The following ATP6V1A variants were observed in gnomAD, a reference collection of about 807,000 sequenced individuals.
ATP6V1A encodes the protein ATPase H+ transporting V1 subunit A, also known as V-type proton ATPase catalytic subunit A.
A neutral mutation model predicts 70.1 loss-of-function variants in ATP6V1A; 18 were observed. That is an observed-to-expected ratio of 0.26 (90% confidence interval 0.18 to 0.38). The LOEUF is 0.38. Ranked by LOEUF, ATP6V1A falls within the 10% of genes least tolerant of loss-of-function variation. The pLI is 1.00. For synonymous variants in ATP6V1A, 232 were observed against 253.8 expected, an observed-to-expected ratio of 0.91 and a Z score of 0.82; for missense variants, 424 against 772.4, an observed-to-expected ratio of 0.55 and a Z score of 5.35.
At chr3:113,758,143 C>CAA (rs1708665487) in intron 1 of ATP6V1A, among the ~76,000 whole-genome samples, 1 of 151,318 alleles carries the variant, frequency 6.6e-6, no homozygotes, top group Admixed American at 6.6e-5. Flanking sequence ...GACTCTGTCT[C>CAA]AAAAAAAGAA....
chr3:113,785,506 C>CTTTTTTTTTTTT (rs987781968), intron 5 of ATP6V1A, among the ~76,000 whole-genome samples: 7 of 107,154 alleles, frequency 6.5e-5, no homozygotes, highest in Non-Finnish European at 7.4e-5. Flanking sequence ...TTTTTCTTTT[C>CTTTTTTTTTTTT]TTTTTTTTTT....
intron 1 of ATP6V1A, among the ~76,000 whole-genome samples, chr3:113,755,813 TC>T (rs1708641912): frequency 6.6e-6 from 1 of 152,174 alleles, no homozygotes. Context: ...ATTCTTTTCT[TC>T]CCCCATATAT....
At chr3:113,751,947 G>A (rs1017216683) in intron 1 of ATP6V1A, among the ~76,000 whole-genome samples, 1 of 151,766 alleles carries the variant, frequency 6.6e-6, no homozygotes, top group Non-Finnish European at 1.5e-5. Context: ...TATATCATAA[G>A]TATTTTCAGA....
chr3:113,777,400 G>T (rs1034432093), intron 1 of ATP6V1A, among the ~76,000 whole-genome samples: 1 of 152,206 alleles, frequency 6.6e-6, no homozygotes, highest in African/African-American at 2.4e-5. Context: ...AAGGAGGAAG[G>T]ATGTTGCAGT....
intron 1 of ATP6V1A, among the ~76,000 whole-genome samples, chr3:113,762,388 G>A (rs1708714361): frequency 6.6e-6 from 1 of 152,020 alleles, no homozygotes; most frequent in Non-Finnish European, 1.5e-5. Flanking sequence ...GGCCAACTTG[G>A]AGAAACCCTG....
In ATP6V1A at chr3:113,784,432, C is replaced by A. The variant is rs770165450; in HGVS notation, c.420C>A (p.Asn140Lys). 5.0e-6 allele frequency: 8 copies of A among 1,608,976 alleles called. No homozygotes were observed. In the East Asian group the frequency reaches 1.8e-4, roughly 36 times the overall value. Residue 140 changes from asparagine to lysine, a missense_variant, in exon 4 of 15, where the codon AAC (asparagine) becomes AAA (lysine). Asn to Lys is a moderately conservative substitution (Grantham distance 94). Transcript: ENST00000273398. ...DIKWDFTPCK[N>K]LRVGSHITGG... ...AATGGGACTTTACACCTTGCAAAAACCTACGGGTATGTCTGTGTAACCAAG... is the reference window on the plus strand; with the variant it reads ...AATGGGACTTTACACCTTGCAAAAAACTACGGGTATGTCTGTGTAACCAAG...
At chr3:113,788,683 A>G (rs1325899976) in intron 6 of ATP6V1A, 30 bp from the exon 7 acceptor site, 2 of 1,601,306 alleles carry the variant, frequency 1.2e-6, no homozygotes, top group South Asian at 2.2e-5. Context: ...TAGCAAGTCA[A>G]GTAATCCATA....
chr3:113,783,372 A>G (rs1709002109), intron 3 of ATP6V1A, among the ~76,000 whole-genome samples: 1 of 152,332 alleles, frequency 6.6e-6, no homozygotes, highest in East Asian at 1.9e-4. Flanking sequence ...ACTCCTGTCA[A>G]CAAATGTGTA....
At chr3:113,799,249 C>T (rs1709184496) in intron 12 of ATP6V1A, among the ~76,000 whole-genome samples, 1 of 152,036 alleles carries the variant, frequency 6.6e-6, no homozygotes, top group South Asian at 2.1e-4. Context: ...TAAAATGATA[C>T]ATCATAAGCA....
At chr3:113,807,115 C>T (rs890456233) in intron 14 of ATP6V1A, among the ~76,000 whole-genome samples, 2 of 151,540 alleles carry the variant, frequency 1.3e-5, no homozygotes, top group Non-Finnish European at 2.9e-5. Flanking sequence ...GATAAATAAA[C>T]AAAGGAAGTA....
intron 3 of ATP6V1A, among the ~76,000 whole-genome samples, chr3:113,781,447 G>C (rs985556290): frequency 6.6e-5 from 10 of 152,286 alleles, no homozygotes; most frequent in Admixed American, 1.3e-4. Flanking sequence ...CACCCTGGAG[G>C]TGGGAGGTTG....
chr3:113,808,766 A>G (rs977205502), intron 14 of ATP6V1A, among the ~76,000 whole-genome samples: 1 of 152,216 alleles, frequency 6.6e-6, no homozygotes, highest in Non-Finnish European at 1.5e-5. Context: ...ACTATTGTGC[A>G]CATTGTTGAG....
intron 9 of ATP6V1A, 36 bp downstream of exon 9, chr3:113,795,030 T>C (rs1413915962): frequency 6.2e-7 from 1 of 1,613,346 alleles, no homozygotes; most frequent in Admixed American, 1.7e-5. Context: ...TAAACAAGAC[T>C]GATGGGATTT....
intron 3 of ATP6V1A, among the ~76,000 whole-genome samples, chr3:113,782,909 A>G (rs1250092048): frequency 1.3e-5 from 2 of 152,034 alleles, no homozygotes; most frequent in Non-Finnish European, 2.9e-5. Flanking sequence ...GTACTGTTAT[A>G]CACCTTGCTT....
chr3:113,773,098 C>T (rs1262554624), intron 1 of ATP6V1A, among the ~76,000 whole-genome samples: 4 of 151,714 alleles, frequency 2.6e-5, no homozygotes, highest in South Asian at 2.1e-4. Context: ...ACACCACGCC[C>T]GGCTAATTTT....
chr3:113,748,239 G>C (rs948352862), intron 1 of ATP6V1A, among the ~76,000 whole-genome samples: 3 of 152,164 alleles, frequency 2.0e-5, no homozygotes, highest in Non-Finnish European at 2.9e-5. Flanking sequence ...TCCAACCCAA[G>C]TACTCCCATT....
rs1709063132 is a variant in ATP6V1A, at chr3:113,788,704, T to C, written c.717-9T>C. 1 of 1,604,210 alleles carries C rather than the reference T, an allele frequency of 6.2e-7. No individual in the cohort carries two copies. The highest frequency in any genetic ancestry group is 1.1e-5 in the South Asian group (1 of 89,410). On this transcript the variant is annotated splice_polypyrimidine_tract_variant and intron_variant, in intron 6 of 14. Coordinates refer to ENST00000273398, the MANE Select transcript of ATP6V1A (RefSeq NM_001690.4). ...GTCAAGTAATCCATACTTTGTTTTC[T>C]TTGTTTAGGTGTGTCCAGGGAGGAA...
chr3:113,761,536 A>C (rs1163723209), intron 1 of ATP6V1A, among the ~76,000 whole-genome samples: 1 of 152,012 alleles, frequency 6.6e-6, no homozygotes, highest in Non-Finnish European at 1.5e-5. Flanking sequence ...CGGGAGTTCA[A>C]GACCAGCCTG....
intron 1 of ATP6V1A, among the ~76,000 whole-genome samples, chr3:113,770,092 A>G (rs991542419): frequency 1.3e-5 from 2 of 151,792 alleles, no homozygotes; most frequent in Non-Finnish European, 2.9e-5. Flanking sequence ...TCTGTCACCC[A>G]GGCTGGAGTG....
Sources: gnomAD v4.1 joint callset for allele counts (sites outside exome capture counted in the v4.1 genomes callset) on GRCh38, gnomAD v4.1.1 for gene constraint, MANE v1.5 for transcripts, NCBI Gene and HGNC (gene_info 2026-07-23, HGNC 2026-07-21) for gene names.